SLC5A8: variants seen among roughly 807,000 people sequenced by gnomAD.
SLC5A8 encodes the protein sodium-coupled monocarboxylate transporter 1.
SLC5A8 carries 55 observed loss-of-function variants against 71.9 expected under a neutral mutation model. That is an observed-to-expected ratio of 0.77 (90% CI 0.62 to 0.96). The LOEUF (loss-of-function observed/expected upper bound fraction) is 0.96, where lower values mean the gene tolerates loss of function less well. Ranked by LOEUF, SLC5A8 falls within the 40% of genes least tolerant of loss-of-function variation. The pLI, the probability that SLC5A8 is intolerant of heterozygous loss-of-function variation, is 0.00. For synonymous variants in SLC5A8, 307 were observed against 276.1 expected, an observed-to-expected ratio of 1.11 and a Z score of -1.11; for missense variants, 701 against 745.3, an observed-to-expected ratio of 0.94 and a Z score of 0.69.
At chr12:101,168,818 C>G (rs2051798129) in intron 10 of SLC5A8, among the ~76,000 whole-genome samples, 1 of 152,146 alleles carries the variant, frequency 6.6e-6, no homozygotes, top group Non-Finnish European at 1.5e-5. Flanking sequence ...AATGAAGCTT[C>G]CAAGAGATAT....
intron 7 of SLC5A8, among the ~76,000 whole-genome samples, chr12:101,186,434 A>G (rs1266635211): frequency 5.3e-5 from 8 of 152,192 alleles, no homozygotes. Flanking sequence ...TTTCATTCTA[A>G]TGAATCCCCT....
chr12:101,185,265 C>T (rs112239726), intron 7 of SLC5A8, among the ~76,000 whole-genome samples: 128 of 152,278 alleles, frequency 8.4e-4, no homozygotes, highest in Non-Finnish European at 1.4e-3. Context: ...GAGATCAAGA[C>T]CCAATTTTTC....
Position 101,157,180 on chromosome 12 carries a change from T to C in SLC5A8, c.*99A>G, listed in dbSNP as rs1328161165. On this transcript the variant is annotated 3_prime_UTR_variant, in exon 15 of 15. Coordinates refer to ENST00000536262, the MANE Select transcript of SLC5A8 (RefSeq NM_145913.5). ...AAACTTATCCCCCAAACACTCATGATACAACACACACACACACACAAAGAA... is the reference window on the plus strand; with the variant it reads ...AAACTTATCCCCCAAACACTCATGACACAACACACACACACACACAAAGAA... 4 of 1,369,444 alleles carry C rather than the reference T, an allele frequency of 2.9e-6. No homozygotes were observed. Among genetic ancestry groups the C allele is most frequent in the African/African-American group, 1.5e-5 (1 of 64,914 alleles). 84.8% of individuals were successfully genotyped at this position (1,369,444 alleles called of 1,614,324 possible).
intron 11 of SLC5A8, among the ~76,000 whole-genome samples, 185 bp from the exon 12 acceptor site, chr12:101,166,884 G>A (rs192731252): frequency 6.6e-6 from 1 of 152,028 alleles, no homozygotes; most frequent in Admixed American, 6.6e-5. Flanking sequence ...ATGAACAAGT[G>A]AATAAATGAA....
chr12:101,183,927 G>A (rs1868484253), intron 8 of SLC5A8, among the ~76,000 whole-genome samples: 1 of 152,160 alleles, frequency 6.6e-6, no homozygotes, highest in African/African-American at 2.4e-5. Flanking sequence ...TTAGAGAGCA[G>A]GGACCTAGTT....
intron 6 of SLC5A8, among the ~76,000 whole-genome samples, chr12:101,189,806 C>T (rs1352696153): frequency 6.6e-6 from 1 of 152,210 alleles, no homozygotes; most frequent in African/African-American, 2.4e-5. Flanking sequence ...TCTCATCCAT[C>T]CTCCACCTTC....
At chr12:101,158,169 A>G in intron 14 of SLC5A8, 80 bp downstream of exon 14, 11 of 978,832 alleles carry the variant, frequency 1.1e-5, no homozygotes, top group Non-Finnish European at 1.4e-5. Flanking sequence ...TTTTCAAGAA[A>G]GAGGTTGAGA....
chr12:101,176,077 G>C (rs1277214423), intron 10 of SLC5A8, among the ~76,000 whole-genome samples: 2 of 151,938 alleles, frequency 1.3e-5, no homozygotes, highest in Non-Finnish European at 2.9e-5. Flanking sequence ...TTTTAAAAAA[G>C]ACTCAACTGT....
At chr12:101,181,090 G>A (rs1388880940) in intron 9 of SLC5A8, among the ~76,000 whole-genome samples, 1 of 152,054 alleles carries the variant, frequency 6.6e-6, no homozygotes, top group African/African-American at 2.4e-5. Flanking sequence ...GAAAAAAAAT[G>A]AATGGGAAAT....
chr12:101,159,552 A>T (rs1454931513), intron 13 of SLC5A8, among the ~76,000 whole-genome samples: 1 of 152,206 alleles, frequency 6.6e-6, no homozygotes, highest in African/African-American at 2.4e-5. Context: ...GAGCATCAAA[A>T]TTGTGTGCTT....
At chr12:101,178,361 A>C (rs1322060297) in intron 10 of SLC5A8, among the ~76,000 whole-genome samples, 1 of 152,206 alleles carries the variant, frequency 6.6e-6, no homozygotes, top group Non-Finnish European at 1.5e-5. Context: ...TCGAAAAATA[A>C]GAATACAGTG....
chr12:101,166,948 G>A (rs2051778683), intron 11 of SLC5A8, among the ~76,000 whole-genome samples: 1 of 151,918 alleles, frequency 6.6e-6, no homozygotes, highest in African/African-American at 2.4e-5. Context: ...CACTTTTAAG[G>A]AAGGCAGATA....
At chr12:101,168,960 C>T (rs2051800072) in intron 10 of SLC5A8, among the ~76,000 whole-genome samples, 1 of 152,078 alleles carries the variant, frequency 6.6e-6, no homozygotes. Context: ...GAGAAAATAC[C>T]AAGTCAGGGA....
At chr12:101,178,720 G>A (rs911437407) in intron 10 of SLC5A8, among the ~76,000 whole-genome samples, 3 of 151,776 alleles carry the variant, frequency 2.0e-5, no homozygotes, top group African/African-American at 7.3e-5. Context: ...AAGAAACATA[G>A]AAGAAAATCT....
intron 7 of SLC5A8, among the ~76,000 whole-genome samples, chr12:101,185,818 T>A (rs1868611760): frequency 6.6e-6 from 1 of 152,168 alleles, no homozygotes; most frequent in Non-Finnish European, 1.5e-5. Context: ...CCTCAAGTGA[T>A]TTGCCTGCCT....
At position 101,209,738 on chromosome 12, in the gene SLC5A8, G is replaced by GC. The variant is rs1566328916; in HGVS notation, c.110dup (p.Gly38ArgfsTer27). 1.9e-6 allele frequency: 3 copies of GC among 1,612,532 alleles called. No homozygotes were observed. The highest frequency in any genetic ancestry group is 2.5e-6 in the Non-Finnish European group (3 of 1,179,766). On this transcript the variant is annotated frameshift_variant, in exon 1 of 15. Coordinates refer to ENST00000536262, the MANE Select transcript of SLC5A8 (RefSeq NM_145913.5). LOFTEE classifies it high-confidence loss of function. The stretch of plus-strand genomic sequence containing the variant: ...GGAAGTCCTTGGAGGTCTGCTGGCC[G>GC]CCCCCAGCGAAGGCGTAGTAGATGC...
At chr12:101,165,450 A>G (rs191270706) in intron 12 of SLC5A8, among the ~76,000 whole-genome samples, 123 of 152,068 alleles carry the variant, frequency 8.1e-4, no homozygotes, top group African/African-American at 2.8e-3. Flanking sequence ...GTCCCCTCCC[A>G]TTAGTGCTTT....
chr12:101,190,948 T>G lies in SLC5A8; in HGVS notation c.693-340A>C, dbSNP rs963804112. ...TATAATCAGAGAAGAACATGAAACA[T>G]AGAGAAAGAGAAAGAGAAAAACATT... On this transcript the variant is annotated intron_variant, in intron 5 of 14. Coordinates refer to ENST00000536262, the MANE Select transcript of SLC5A8 (RefSeq NM_145913.5). Among the ~76,000 whole-genome samples the G allele has an allele frequency of 1.1e-4, 17 of 151,962 alleles. No individual in the cohort carries two copies. In the Middle Eastern group the frequency reaches 0.01, roughly 91 times the overall value.
At chr12:101,187,539 CAA>C (rs35400143) in intron 6 of SLC5A8, 24 bp from the exon 7 acceptor site, 363,732 of 1,590,106 alleles carry the variant, frequency 0.23, 44,912 homozygotes, top group East Asian at 0.52. Flanking sequence ...AACAAACCAG[CAA>C]AAGACAACTG....
Sources: gnomAD v4.1 joint callset for allele counts (sites outside exome capture counted in the v4.1 genomes callset) on GRCh38, gnomAD v4.1.1 for gene constraint, MANE v1.5 for transcripts, NCBI Gene and HGNC (gene_info 2026-07-23, HGNC 2026-07-21) for gene names.